GRXCR2: variants seen among roughly 807,000 people sequenced by gnomAD.
GRXCR2 encodes the protein glutaredoxin domain-containing cysteine-rich protein 2.
A neutral mutation model predicts 24.8 loss-of-function variants in GRXCR2; 23 were observed. The observed-to-expected ratio is 0.93, with a 90% CI of 0.67 to 1.32. The LOEUF is 1.32. Among genes scored for constraint, GRXCR2 ranks in the 40% most tolerant of loss-of-function variants. GRXCR2 has a pLI of 0.00. For missense variants in GRXCR2, 315 were observed against 303.4 expected (o/e 1.04, Z -0.28); for synonymous variants, 130 against 116.1 (o/e 1.12, Z -0.77).
At chr5:145,899,649 T>A (rs1436659520) in intron 2 of GRXCR2, among the ~76,000 whole-genome samples, 2 of 151,888 alleles carry the variant, frequency 1.3e-5, no homozygotes, top group African/African-American at 4.8e-5. Context: ...TTGACAAAAA[T>A]AAGCAACATG....
At chr5:145,912,210 A>G (rs772660252) in intron 2 of GRXCR2, among the ~76,000 whole-genome samples, 12 of 152,178 alleles carry the variant, frequency 7.9e-5, no homozygotes, top group Non-Finnish European at 1.5e-4. Flanking sequence ...CAAAGGTCAT[A>G]ATATCATTTC....
At chr5:145,924,990 A>G (rs1021600794) in intron 2 of GRXCR2, among the ~76,000 whole-genome samples, 2 of 152,190 alleles carry the variant, frequency 1.3e-5, no homozygotes, top group Non-Finnish European at 2.9e-5. Context: ...GATGCAACAC[A>G]ATAGATAAGA....
At chr5:145,899,094 T>C (rs1466062054) in intron 2 of GRXCR2, among the ~76,000 whole-genome samples, 1 of 152,084 alleles carries the variant, frequency 6.6e-6, no homozygotes, top group East Asian at 1.9e-4. Flanking sequence ...GTCAGTACTA[T>C]GCATTTCTAT....
chr5:145,890,064 A>G (rs746625652), intron 2 of GRXCR2, among the ~76,000 whole-genome samples: 7 of 152,222 alleles, frequency 4.6e-5, no homozygotes, highest in African/African-American at 1.4e-4. Context: ...CAATCTGACA[A>G]AAATAAAGAC....
intron 2 of GRXCR2, among the ~76,000 whole-genome samples, chr5:145,906,793 C>A (rs1369262607): frequency 6.6e-6 from 1 of 152,170 alleles, no homozygotes; most frequent in South Asian, 2.1e-4. Flanking sequence ...ATGGAGCTTA[C>A]ATTTTAGTTG....
chr5:145,895,064 A>C (rs1270654772), intron 2 of GRXCR2, among the ~76,000 whole-genome samples: 1 of 151,874 alleles, frequency 6.6e-6, no homozygotes, highest in African/African-American at 2.4e-5. Flanking sequence ...ATGCAGAAAA[A>C]CCTTTGACAA....
chr5:145,897,639 T>A (rs1271701637), intron 2 of GRXCR2, among the ~76,000 whole-genome samples: 1 of 152,066 alleles, frequency 6.6e-6, no homozygotes, highest in Non-Finnish European at 1.5e-5. Context: ...CACAGTGGAA[T>A]AAAAATACAA....
intron 2 of GRXCR2, among the ~76,000 whole-genome samples, chr5:145,890,550 T>C (rs1756848989): frequency 6.6e-6 from 1 of 152,056 alleles, no homozygotes; most frequent in Non-Finnish European, 1.5e-5. Flanking sequence ...AGAAATAAAA[T>C]ATTTTCCAGT....
intron 2 of GRXCR2, among the ~76,000 whole-genome samples, chr5:145,915,671 T>G (rs992728331): frequency 1.6e-4 from 24 of 151,438 alleles, no homozygotes; most frequent in African/African-American, 5.3e-4. Context: ...GAGGTGGAGG[T>G]TGCAGTGAGC....
intron 2 of GRXCR2, among the ~76,000 whole-genome samples, chr5:145,912,037 C>T (rs1021676128): frequency 6.6e-6 from 1 of 152,170 alleles, no homozygotes; most frequent in African/African-American, 2.4e-5. Context: ...ATCGAAGCTG[C>T]AGTGAGCTGT....
chr5:145,931,307 C>A (rs1757474410), intron 2 of GRXCR2, among the ~76,000 whole-genome samples: 1 of 152,200 alleles, frequency 6.6e-6, no homozygotes, highest in Non-Finnish European at 1.5e-5. Context: ...GCTGGAATTA[C>A]AGGCATGAGC....
chr5:145,911,931 AT>A (rs1757172275), intron 2 of GRXCR2, among the ~76,000 whole-genome samples: 1 of 152,152 alleles, frequency 6.6e-6, no homozygotes, highest in African/African-American at 2.4e-5. Flanking sequence ...TGTACAAAAA[AT>A]ACAACAACAA....
At chr5:145,908,035 T>C (rs186351696) in intron 2 of GRXCR2, among the ~76,000 whole-genome samples, 1 of 152,140 alleles carries the variant, frequency 6.6e-6, no homozygotes, top group African/African-American at 2.4e-5. Context: ...CAGAGAAAGA[T>C]CAGAGGAAGC....
chr5:145,918,461 A>G (rs1279392499), intron 2 of GRXCR2, among the ~76,000 whole-genome samples: 1 of 152,180 alleles, frequency 6.6e-6, no homozygotes, highest in East Asian at 1.9e-4. Context: ...TTAAAAGTAA[A>G]TATTTTGTAG....
At chr5:145,882,861 T>C (rs532795546) in intron 2 of GRXCR2, among the ~76,000 whole-genome samples, 144 of 152,242 alleles carry the variant, frequency 9.5e-4, no homozygotes, top group African/African-American at 3.3e-3. Context: ...GATGAGTCCA[T>C]GTCCTTTGCA....
chr5:145,903,799 T>G (rs368739062), intron 2 of GRXCR2, among the ~76,000 whole-genome samples: 6 of 152,202 alleles, frequency 3.9e-5, no homozygotes, highest in African/African-American at 9.7e-5. Flanking sequence ...ATTGATTGTC[T>G]TTTTCTGGAG....
intron 2 of GRXCR2, among the ~76,000 whole-genome samples, chr5:145,860,294 C>A (rs1031118891): frequency 6.6e-6 from 1 of 152,128 alleles, no homozygotes; most frequent in African/African-American, 2.4e-5. Flanking sequence ...GTGCCAGGTG[C>A]TGTTCTAAGT....
At chr5:145,903,016 T>C (rs888073874) in intron 2 of GRXCR2, among the ~76,000 whole-genome samples, 4 of 152,128 alleles carry the variant, frequency 2.6e-5, no homozygotes. Flanking sequence ...AAAAATCAAC[T>C]CCTACATATC....
At chr5:145,903,790 T>C (rs1039974142) in intron 2 of GRXCR2, among the ~76,000 whole-genome samples, 2 of 152,124 alleles carry the variant, frequency 1.3e-5, no homozygotes, top group African/African-American at 4.8e-5. Flanking sequence ...GAGGCCACAA[T>C]TGATTGTCTT....
Sources: allele counts gnomAD v4.1 joint callset (sites outside exome capture counted in the v4.1 genomes callset), GRCh38; gene constraint gnomAD v4.1.1; transcripts MANE v1.5; gene names NCBI Gene and HGNC (gene_info 2026-07-23, HGNC 2026-07-21).